Variants in TMEM131L observed in about 807,000 individuals in gnomAD.
TMEM131L encodes transmembrane 131 like.
A neutral mutation model predicts 192.2 loss-of-function variants in TMEM131L; 54 were observed. The observed-to-expected ratio is 0.28, with a 90% CI of 0.23 to 0.35. The LOEUF (loss-of-function observed/expected upper bound fraction) is 0.35. TMEM131L is among the 10% of genes least tolerant of loss of function. The pLI is 1.00. For missense variants in TMEM131L, 1,888 were observed against 1,972.9 expected (o/e 0.96, Z 0.82); for synonymous variants, 701 against 704.9 (o/e 0.99, Z 0.09).
intron 9 of TMEM131L, among the ~76,000 whole-genome samples, chr4:153,582,176 A>G (rs933835589): frequency 6.6e-5 from 10 of 152,074 alleles, no homozygotes; most frequent in Non-Finnish European, 1.0e-4. Flanking sequence ...GTGACTGTAT[A>G]TTTGTATTCA....
intron 3 of TMEM131L, among the ~76,000 whole-genome samples, chr4:153,529,569 G>A (rs541851506): frequency 3.3e-5 from 5 of 152,204 alleles, no homozygotes; most frequent in Admixed American, 3.3e-4. Flanking sequence ...GAATCCTTGG[G>A]GGGAAAATCT....
intron 3 of TMEM131L, among the ~76,000 whole-genome samples, chr4:153,511,694 C>G (rs1734369745): frequency 6.6e-6 from 1 of 152,150 alleles, no homozygotes; most frequent in Non-Finnish European, 1.5e-5. Flanking sequence ...CACATTTTCT[C>G]AGTGCCTACA....
chr4:153,561,638 G>C (rs555419050), intron 7 of TMEM131L, among the ~76,000 whole-genome samples: 103 of 152,256 alleles, frequency 6.8e-4, no homozygotes, highest in Non-Finnish European at 1.1e-3. Flanking sequence ...ACATTGAATT[G>C]TCTTGGTATC....
intron 7 of TMEM131L, among the ~76,000 whole-genome samples, chr4:153,566,518 AGTGT>A (rs35949558): frequency 0.034 from 5,022 of 145,810 alleles, 170 homozygotes; most frequent in African/African-American, 0.092. Context: ...TGTGAGTGTG[AGTGT>A]GTGTGTGTGT....
In TMEM131L at chr4:153,557,164, T is replaced by C. The variant is rs1728526820; in HGVS notation, c.549+82T>C. On this transcript the variant is annotated intron_variant, in intron 6 of 34. Coordinates refer to ENST00000409959, the MANE Select transcript of TMEM131L (RefSeq NM_001131007.2). ...TGTGTGTATATTTTTAAAAAGACTT[T>C]TGGAAATGTTGTCACCTGGTTTATG... is the stretch of plus-strand genomic sequence containing the variant. 5.9e-5 allele frequency: 41 copies of C among 693,446 alleles called. No individual in the cohort carries two copies. The South Asian group carries it at 6.7e-4, about 11-fold the overall frequency. The allele number at this position is 693,446 out of a possible 1,614,324, so 43.0% of individuals were successfully genotyped here.
intron 7 of TMEM131L, among the ~76,000 whole-genome samples, chr4:153,578,543 C>T (rs372222932): frequency 7.5e-6 from 1 of 133,876 alleles, no homozygotes; most frequent in African/African-American, 2.9e-5. Context: ...TTTTTTTTGA[C>T]GGAGTCTCGT....
intron 9 of TMEM131L, among the ~76,000 whole-genome samples, chr4:153,582,748 G>A (rs1561212893): frequency 6.6e-6 from 1 of 152,076 alleles, no homozygotes; most frequent in Non-Finnish European, 1.5e-5. Flanking sequence ...CACTTCTGTG[G>A]GTGAGGGCTA....
chr4:153,491,276 G>T (rs1732763018), intron 3 of TMEM131L, among the ~76,000 whole-genome samples: 1 of 152,212 alleles, frequency 6.6e-6, no homozygotes, highest in African/African-American at 2.4e-5. Flanking sequence ...TAGAAGGGAA[G>T]AGAGTAGGTA....
intron 3 of TMEM131L, among the ~76,000 whole-genome samples, chr4:153,512,744 G>T (rs1734442946): frequency 6.6e-6 from 1 of 152,128 alleles, no homozygotes; most frequent in South Asian, 2.1e-4. Flanking sequence ...CTCCTGAGTA[G>T]CTGGGACTAC....
chr4:153,476,479 C>T (rs1463025001), intron 3 of TMEM131L, among the ~76,000 whole-genome samples: 4 of 151,994 alleles, frequency 2.6e-5, no homozygotes, highest in Non-Finnish European at 4.4e-5. Flanking sequence ...AGGCGGATCA[C>T]GAGGTCAGGT....
At chr4:153,496,763 G>C (rs1341287088) in intron 3 of TMEM131L, among the ~76,000 whole-genome samples, 4 of 151,748 alleles carry the variant, frequency 2.6e-5, no homozygotes, top group Admixed American at 6.6e-5. Flanking sequence ...TGTTGCCCAG[G>C]CTGGTCTCAA....
chr4:153,602,926 A>G (rs1267066577), intron 23 of TMEM131L, among the ~76,000 whole-genome samples, 199 bp downstream of exon 23: 1 of 152,248 alleles, frequency 6.6e-6, no homozygotes, highest in Non-Finnish European at 1.5e-5. Flanking sequence ...AGAGAGTCAT[A>G]GGACCTAGAA....
intron 3 of TMEM131L, among the ~76,000 whole-genome samples, chr4:153,477,554 T>G (rs976321893): frequency 6.6e-6 from 1 of 152,150 alleles, no homozygotes; most frequent in Non-Finnish European, 1.5e-5. Context: ...GAATGAAAGA[T>G]GTGGGAATGA....
At chr4:153,628,791 C>A (rs1184250897) in intron 31 of TMEM131L, among the ~76,000 whole-genome samples, 1 of 152,236 alleles carries the variant, frequency 6.6e-6, no homozygotes, top group African/African-American at 2.4e-5. Flanking sequence ...ATCTACCCTT[C>A]AGCATGTGCC....
At chr4:153,502,807 C>T (rs1230928794) in intron 3 of TMEM131L, among the ~76,000 whole-genome samples, 1 of 152,058 alleles carries the variant, frequency 6.6e-6, no homozygotes, top group African/African-American at 2.4e-5. Flanking sequence ...ATCTCTCTGC[C>T]CTGGAAGTGC....
At chr4:153,548,978 GGTCTCAA>G (rs1475676475) in intron 3 of TMEM131L, among the ~76,000 whole-genome samples, 1 of 152,066 alleles carries the variant, frequency 6.6e-6, no homozygotes, top group Admixed American at 6.5e-5. Context: ...TTTTGAGTCA[GGTCTCAA>G]AAATGGTCTT....
rs577052266 is a variant in TMEM131L at position 153,480,274 on chromosome 4, G to T, written c.239+6386G>T. On this transcript the variant is annotated intron_variant, in intron 3 of 34. Transcript: ENST00000409959. ...GAATGGCATGAACCCGGGAGTCGGA[G>T]CTTGCAGCGAGCCGAGATCGCGCCA... Among the ~76,000 whole-genome samples the T allele has an allele frequency of 3.5e-3, 527 of 152,288 alleles. 2 individuals carry two copies. The highest frequency in any genetic ancestry group is 3.3e-3 in the Non-Finnish European group (226 of 68,012).
At position 153,473,882 on chromosome 4, in the gene TMEM131L, A is replaced by T; in HGVS notation, c.233A>T (p.Glu78Val). 6.5e-7 allele frequency: 1 copy of T among 1,545,448 alleles called. No homozygotes were observed. The highest frequency in any genetic ancestry group is 1.2e-5 in the South Asian group (1 of 82,370). The stretch of plus-strand genomic sequence containing the variant: ...GAGGGTCTGGAGGAGCCTTCTCAAG[A>T]ACAGAGGTAAGGAAAAAATGGGGGT... ...SEEGLEEPSQ[E>V]QSFSDKLFSG... Residue 78 changes from glutamate to valine, a missense_variant, in exon 3 of 35, where the codon GAA (glutamate) becomes GTA (valine). Glu to Val is a moderately radical substitution (Grantham distance 121). Coordinates refer to ENST00000409959, the MANE Select transcript of TMEM131L (RefSeq NM_001131007.2).
At chr4:153,611,656 T>TA (rs1200232945) in intron 25 of TMEM131L, among the ~76,000 whole-genome samples, 2 of 152,196 alleles carry the variant, frequency 1.3e-5, no homozygotes, top group African/African-American at 4.8e-5. Context: ...CAGCCCCTGT[T>TA]AACCACCAGT....
Sources: gnomAD v4.1 joint callset for allele counts (sites outside exome capture counted in the v4.1 genomes callset) on GRCh38, gnomAD v4.1.1 for gene constraint, MANE v1.5 for transcripts, NCBI Gene and HGNC (gene_info 2026-07-23, HGNC 2026-07-21) for gene names.